The following IL10RA variants were observed in gnomAD, a reference collection of about 807,000 sequenced individuals.
The protein encoded by IL10RA is interleukin-10 receptor subunit alpha.
A neutral mutation model predicts 29.6 loss-of-function variants in IL10RA; 18 were observed. The observed-to-expected ratio is 0.61, with a 90% CI of 0.42 to 0.90. The LOEUF (loss-of-function observed/expected upper bound fraction) is 0.90, where lower values mean the gene tolerates loss of function less well. Ranked by LOEUF, IL10RA falls within the 40% of genes least tolerant of loss-of-function variation. The pLI, the probability that IL10RA is intolerant of heterozygous loss-of-function variation, is 0.00. For synonymous variants in IL10RA, 292 were observed against 294.1 expected (o/e 0.99, Z 0.07); for missense variants, 634 against 716.6 (o/e 0.88, Z 1.32).
intron 6 of IL10RA, among the ~76,000 whole-genome samples, chr11:117,996,637 A>G (rs1198665955): frequency 6.6e-6 from 1 of 152,234 alleles, no homozygotes; most frequent in Non-Finnish European, 1.5e-5. Flanking sequence ...AAGACGAGAG[A>G]CAAGTGCAGT....
At chr11:117,988,285 CAT>C (rs1231409339) in intron 1 of IL10RA, 95 bp from the exon 2 acceptor site, 44 of 1,530,248 alleles carry the variant, frequency 2.9e-5, no homozygotes, top group Non-Finnish European at 3.8e-5. Context: ...TCGGGCGAGT[CAT>C]AGCCTCTCTG....
chr11:117,987,067 T>TCTAACCCAGTTTAGGCTC (rs2057991335), intron 1 of IL10RA: 1 of 363,440 alleles, frequency 2.8e-6, no homozygotes, highest in African/African-American at 2.1e-5. Context: ...AGTTCAGGCT[T>TCTAACCCAGTTTAGGCTC]CTAACCCAGT....
intron 1 of IL10RA, 197 bp downstream of exon 1, chr11:117,986,731 CGGATTGGGAA>C: frequency 6.5e-7 from 1 of 1,533,518 alleles, no homozygotes; most frequent in African/African-American, 1.4e-5. Context: ...CAGGAACTGA[CGGATTGGGAA>C]GGATAGAGAA....
Position 117,989,620 on chromosome 11 carries a change from G to T in IL10RA, c.367G>T (p.Val123Leu). 6.2e-7 allele frequency: 1 copy of T among 1,613,762 alleles called. No homozygotes were observed. Among genetic ancestry groups the T allele is most frequent in the Non-Finnish European group, 8.5e-7 (1 of 1,180,000 alleles). Residue 123 changes from valine to leucine, a missense_variant and splice_region_variant, in exon 3 of 7, where the codon GTG becomes TTG. Physicochemically the swap from Val to Leu is conservative, Grantham distance 32. Transcript: ENST00000227752. The surrounding 1 kb of genome is among the most constrained non-coding windows in gnomAD (Gnocchi z 4.5). Reference sequence around the variant, plus strand: ...CAACACCCGCTTCTCTGTGGATGAAGGTGCTTTTCCTCCCTTGACTTAGAA... The same window carrying T: ...CAACACCCGCTTCTCTGTGGATGAATGTGCTTTTCCTCCCTTGACTTAGAA... ...VTNTRFSVDE[V>L]TLTVGSVNLE... is the part of the protein sequence containing the mutation.
Position 117,999,620 on chromosome 11 carries a change from T to C in IL10RA, c.1716T>C (p.Ser572=), listed in dbSNP as rs1256548482. Residue 572 remains serine (S), a synonymous_variant, in exon 7 of 7, where the codon TCT becomes TCC. Transcript: ENST00000227752. ...ACCTGGTCACCCTGCCCCTCATCTC[T>C]AGCCTGCAGTCAAGTGAGTGACTCG... ...NSDLVTLPLI[S]SLQSSE is the part of the protein sequence containing the mutation. 2 of 1,611,906 alleles carry C rather than the reference T, an allele frequency of 1.2e-6. No homozygotes were observed. Among genetic ancestry groups the C allele is most frequent in the Admixed American group, 3.3e-5 (2 of 60,032 alleles).
intron 3 of IL10RA, among the ~76,000 whole-genome samples, chr11:117,991,669 C>T (rs1383217938): frequency 6.6e-6 from 1 of 152,206 alleles, no homozygotes; most frequent in Non-Finnish European, 1.5e-5. Context: ...GCATTTATCT[C>T]TTTGCACCTG....
rs1323375395 is a variant in IL10RA at position 117,995,578 on chromosome 11, T to C, written c.689-11T>C. On this transcript the variant is annotated splice_polypyrimidine_tract_variant and intron_variant, in intron 5 of 6. Coordinates refer to ENST00000227752, the MANE Select transcript of IL10RA (RefSeq NM_001558.4). ...GTGACAGGCCACAAACACATCTCTC[T>C]GGGCCTGCAGATTTCACCGTGACCA... The C allele has an allele frequency of 6.2e-7, 1 of 1,614,070 alleles. No individual in the cohort carries two copies.
chr11:117,992,030 G>A (rs778640130), intron 3 of IL10RA, among the ~76,000 whole-genome samples: 6 of 152,078 alleles, frequency 3.9e-5, no homozygotes, highest in African/African-American at 7.2e-5. Flanking sequence ...CCACTGGGCC[G>A]GGCCTCAGTT....
chr11:117,991,887 A>G (rs892975190), intron 3 of IL10RA, among the ~76,000 whole-genome samples: 4 of 152,084 alleles, frequency 2.6e-5, no homozygotes, highest in African/African-American at 9.7e-5. Flanking sequence ...GGCACGTGCC[A>G]CCATGCCCGG....
At chr11:118,001,755 A>ACTTTT (rs2058097156), downstream of IL10RA, 4 of 232,044 alleles carry the variant, frequency 1.7e-5, no homozygotes, top group African/African-American at 9.1e-5. Context: ...GTGTAAATGA[A>ACTTTT]ATTGCACATA....
chr11:118,002,673 G>C (rs1252851995), downstream of IL10RA: 1 of 152,248 alleles, frequency 6.6e-6, no homozygotes, highest in Non-Finnish European at 1.5e-5. Flanking sequence ...CTTGGTGCAG[G>C]CCCTGCCTGC....
At position 118,000,451 on chromosome 11, in the gene IL10RA, A is replaced by C. The variant is rs529560535; in HGVS notation, c.*810A>C. 2.2e-6 allele frequency: 1 copy of C among 454,238 alleles called. No individual in the cohort carries two copies. Among genetic ancestry groups the C allele is most frequent in the Non-Finnish European group, 4.4e-6 (1 of 226,772 alleles). The allele number at this position is 454,238 out of a possible 1,614,324, so 28.1% of individuals were successfully genotyped here. A position where few individuals can be genotyped will look rare whatever the true frequency, so the allele number is the denominator to read the frequency against. On this transcript the variant is annotated 3_prime_UTR_variant, in exon 7 of 7. Transcript: ENST00000227752. The stretch of plus-strand genomic sequence containing the variant: ...TTTGCTGCCCCACCATCTTGCTGAC[A>C]ACTTCCAGAGAAGCCATGGTTTTTT...
chr11:117,989,310 G>T lies in IL10RA; in HGVS notation c.189-132G>T. The T allele has an allele frequency of 1.2e-6, 1 of 831,232 alleles. No homozygotes were observed. 51.5% of individuals were successfully genotyped at this position (831,232 alleles called of 1,614,324 possible). ...CCTCACAATGAGCTGCCGTGGACTA[G>T]AGGATATAGCCTGAGGGCTGTCCCA... On this transcript the variant is annotated intron_variant, in intron 2 of 6. Coordinates refer to ENST00000227752, the MANE Select transcript of IL10RA (RefSeq NM_001558.4). This position sits in a 1 kb window ranked among gnomAD's most constrained non-coding sequence, Gnocchi z 4.5.
At chr11:117,986,800 C>T (rs1323831714) in intron 1 of IL10RA, 39 of 1,520,300 alleles carry the variant, frequency 2.6e-5, no homozygotes, top group Non-Finnish European at 3.3e-5. Context: ...CATCCACCCA[C>T]TTCTAGATGA....
intron 6 of IL10RA, among the ~76,000 whole-genome samples, chr11:117,996,742 C>A (rs1236424999): frequency 6.6e-6 from 1 of 152,228 alleles, no homozygotes; most frequent in African/African-American, 2.4e-5. Context: ...AGGCATCTGC[C>A]ACCATGCCTG....
intron 6 of IL10RA, among the ~76,000 whole-genome samples, chr11:117,996,043 G>A (rs983910058): frequency 3.3e-4 from 50 of 152,304 alleles, no homozygotes; most frequent in Admixed American, 7.2e-4. Flanking sequence ...ATGAGGCACA[G>A]TTATTATCCC....
Position 117,988,870 on chromosome 11 carries a change from C to T in IL10RA, c.188+368C>T, listed in dbSNP as rs535422763. 1.1e-4 allele frequency among the ~76,000 whole-genome samples: 17 copies of T among 152,346 alleles called. No homozygotes were observed. In the South Asian group the frequency reaches 3.5e-3, roughly 32 times the overall value. ...CTGCCTCCTGGGTTCAAGCAATTCT[C>T]CCATCTCAGCCTCCCAAGTAGCTGG... is the stretch of plus-strand genomic sequence containing the variant. On this transcript the variant is annotated intron_variant, in intron 2 of 6. Coordinates refer to ENST00000227752, the MANE Select transcript of IL10RA (RefSeq NM_001558.4).
chr11:117,988,032 A>T, intron 1 of IL10RA: 1 of 373,468 alleles, frequency 2.7e-6, no homozygotes, highest in Non-Finnish European at 5.2e-6. Context: ...GTGCTAGAGC[A>T]GGGACAGGGA....
chr11:117,995,976 G>T (rs1328303970), intron 6 of IL10RA, among the ~76,000 whole-genome samples: 2 of 152,162 alleles, frequency 1.3e-5, no homozygotes, highest in African/African-American at 4.8e-5. Flanking sequence ...GAGCCATTTT[G>T]ATATGATCTA....
Sources: allele counts gnomAD v4.1 joint callset (sites outside exome capture counted in the v4.1 genomes callset), GRCh38; gene constraint gnomAD v4.1.1; non-coding constraint Gnocchi (gnomAD v3.1); transcripts MANE v1.5; gene names NCBI Gene and HGNC (gene_info 2026-07-23, HGNC 2026-07-21).